Variants in FSIP1 observed in about 807,000 individuals in gnomAD.
FSIP1 encodes the protein fibrous sheath-interacting protein 1.
Under a neutral mutation model 60.9 loss-of-function variants are expected in FSIP1, and 65 were observed. That is an observed-to-expected ratio of 1.07 (90% CI 0.87 to 1.31). The LOEUF (loss-of-function observed/expected upper bound fraction) is 1.31, where lower values mean the gene tolerates loss of function less well. FSIP1 is among the 40% of genes most tolerant of loss of function. FSIP1 has a pLI of 0.00. For synonymous variants in FSIP1, 209 were observed against 221.2 expected (o/e 0.94, Z 0.49); for missense variants, 675 against 665.5 (o/e 1.01, Z -0.16).
chr15:39,614,393 C>T lies in FSIP1; in HGVS notation c.1699+3342G>A, dbSNP rs149824987. Among the ~76,000 whole-genome samples the T allele has an allele frequency of 7.8e-3, 1,187 of 152,144 alleles. 18 individuals are homozygous for T. The highest frequency in any genetic ancestry group is 0.027 in the African/African-American group (1,117 of 41,528). ...ACTATATATTGACAACTATAGAACA[C>T]TGATGAAAGAAAGTGAAGAAAAAGC... is the stretch of plus-strand genomic sequence containing the variant. On this transcript the variant is annotated intron_variant, in intron 11 of 11. Coordinates refer to ENST00000350221, the MANE Select transcript of FSIP1 (RefSeq NM_152597.5).
chr15:39,666,595 C>T (rs1389323554), intron 10 of FSIP1, among the ~76,000 whole-genome samples: 1 of 152,174 alleles, frequency 6.6e-6, no homozygotes, highest in African/African-American at 2.4e-5. Flanking sequence ...TTAAATCACA[C>T]TATCAAAGTG....
intron 11 of FSIP1, among the ~76,000 whole-genome samples, chr15:39,616,055 C>A (rs1346916007): frequency 6.6e-6 from 1 of 151,968 alleles, no homozygotes; most frequent in Non-Finnish European, 1.5e-5. Flanking sequence ...ATACTTTACC[C>A]CACAAATGTA....
chr15:39,672,283 C>T (rs1893751497), intron 10 of FSIP1, among the ~76,000 whole-genome samples: 1 of 152,222 alleles, frequency 6.6e-6, no homozygotes, highest in African/African-American at 2.4e-5. Context: ...ACAGCGGCTG[C>T]CTTAGCAGTG....
At chr15:39,619,132 G>A (rs1891351093) in intron 10 of FSIP1, among the ~76,000 whole-genome samples, 1 of 152,022 alleles carries the variant, frequency 6.6e-6, no homozygotes, top group African/African-American at 2.4e-5. Context: ...TAATGTTATT[G>A]GCCTACTCTG....
At chr15:39,625,671 G>A (rs1324872168) in intron 10 of FSIP1, among the ~76,000 whole-genome samples, 2 of 152,092 alleles carry the variant, frequency 1.3e-5, no homozygotes, top group South Asian at 2.1e-4. Context: ...TTCCTTTCCC[G>A]AAACAAGTCT....
In FSIP1 at chr15:39,713,435, A is replaced by G; in HGVS notation, c.1188+9T>C. The stretch of plus-strand genomic sequence containing the variant: ...CTTAAAAAAAATTAATTAAAACAAA[A>G]AGACTTACCACATTTTCCTTCATCA... On this transcript the variant is annotated intron_variant, in intron 10 of 11. Transcript: ENST00000350221. The G allele has an allele frequency of 6.3e-7, 1 of 1,582,984 alleles. No homozygotes were observed.
At chr15:39,630,208 AATC>A (rs1162374174) in intron 10 of FSIP1, among the ~76,000 whole-genome samples, 1 of 152,242 alleles carries the variant, frequency 6.6e-6, no homozygotes, top group East Asian at 1.9e-4. Context: ...CTGAACGTGA[AATC>A]ATGCTACTGC....
chr15:39,646,752 C>A (rs1892633287), intron 10 of FSIP1, among the ~76,000 whole-genome samples: 1 of 151,078 alleles, frequency 6.6e-6, no homozygotes, highest in Non-Finnish European at 1.5e-5. Context: ...CACTTAACTT[C>A]ATAAAGGTAT....
intron 1 of FSIP1, among the ~76,000 whole-genome samples, chr15:39,781,029 G>A (rs1047907625): frequency 6.6e-6 from 1 of 152,168 alleles, no homozygotes; most frequent in Non-Finnish European, 1.5e-5. Context: ...GTCTTCAAAA[G>A]ATGTTAAGAC....
At chr15:39,626,278 A>T (rs575746518) in intron 10 of FSIP1, among the ~76,000 whole-genome samples, 2 of 152,310 alleles carry the variant, frequency 1.3e-5, no homozygotes, top group East Asian at 3.9e-4. Flanking sequence ...TGTCTCTGGG[A>T]TCTTCAACAT....
intron 10 of FSIP1, among the ~76,000 whole-genome samples, chr15:39,683,657 C>T (rs1294189039): frequency 6.6e-6 from 1 of 152,182 alleles, no homozygotes; most frequent in African/African-American, 2.4e-5. Context: ...GACAACATGA[C>T]TGGCTATGGA....
chr15:39,768,465 AC>A (rs1215005519), intron 3 of FSIP1, among the ~76,000 whole-genome samples: 2 of 152,242 alleles, frequency 1.3e-5, no homozygotes, highest in African/African-American at 2.4e-5. Flanking sequence ...ACATGCTATT[AC>A]TAATTATGTT....
At chr15:39,757,314 G>A (rs1173035219) in intron 5 of FSIP1, among the ~76,000 whole-genome samples, 2 of 151,926 alleles carry the variant, frequency 1.3e-5, no homozygotes. Context: ...AAGTAGCTTC[G>A]TACCACCTTA....
Position 39,729,011 on chromosome 15 carries a change from T to C in FSIP1, c.892-2264A>G, listed in dbSNP as rs932658261. On this transcript the variant is annotated intron_variant, in intron 8 of 11. Coordinates refer to ENST00000350221, the MANE Select transcript of FSIP1 (RefSeq NM_152597.5). ...AAAAAACGCTCGACATCACTAATCATTTGAAAAATGCAAACCAAAACCACA... is the reference window on the plus strand; with the variant it reads ...AAAAAACGCTCGACATCACTAATCACTTGAAAAATGCAAACCAAAACCACA... Among the ~76,000 whole-genome samples, 4 of 152,252 alleles carry C rather than the reference T, an allele frequency of 2.6e-5. No individual in the cohort carries two copies. In the South Asian group the frequency reaches 6.2e-4, roughly 24 times the overall value.
chr15:39,679,206 A>C (rs1894062494), intron 10 of FSIP1, among the ~76,000 whole-genome samples: 1 of 152,220 alleles, frequency 6.6e-6, no homozygotes, highest in Non-Finnish European at 1.5e-5. Context: ...AGAATGGTTC[A>C]GAATAATTAT....
intron 8 of FSIP1, among the ~76,000 whole-genome samples, chr15:39,728,434 A>G (rs1279162411): frequency 1.3e-5 from 2 of 152,200 alleles, no homozygotes; most frequent in Non-Finnish European, 2.9e-5. Flanking sequence ...TAGTACAAAA[A>G]CAGACACATA....
chr15:39,770,585 G>A lies in FSIP1; in HGVS notation c.152C>T (p.Ser51Phe), dbSNP rs748093712. Residue 51 changes from serine (S) to phenylalanine (F), a missense_variant, in exon 3 of 12, where the codon TCT (serine) becomes TTT (phenylalanine). Transcript: ENST00000350221. ...FKVDTASNLN[S>F]GKEDHSESSN... is the part of the protein sequence containing the mutation. ...GCTTTCGGAGTGGTCCTCTTTACCA[G>A]AGTTCAAGTTGCTTGCAGTATCGAC... The A allele has an allele frequency of 1.3e-6, 2 of 1,547,604 alleles. No homozygotes were observed. Among genetic ancestry groups the A allele is most frequent in the Non-Finnish European group, 1.7e-6 (2 of 1,151,998 alleles).
intron 10 of FSIP1, among the ~76,000 whole-genome samples, chr15:39,657,593 G>A (rs1309226528): frequency 1.3e-5 from 2 of 152,100 alleles, no homozygotes; most frequent in East Asian, 3.8e-4. Context: ...TATAAAAATA[G>A]CAAATAAAAT....
intron 10 of FSIP1, among the ~76,000 whole-genome samples, chr15:39,632,954 G>A (rs904432860): frequency 4.6e-5 from 7 of 152,090 alleles, no homozygotes; most frequent in African/African-American, 1.7e-4. Flanking sequence ...AAGGGTGATA[G>A]GTCGAAATAC....
Sources: allele counts gnomAD v4.1 joint callset (sites outside exome capture counted in the v4.1 genomes callset), GRCh38; gene constraint gnomAD v4.1.1; transcripts MANE v1.5; gene names NCBI Gene and HGNC (gene_info 2026-07-23, HGNC 2026-07-21).